ANO4: variants seen among roughly 807,000 people sequenced by gnomAD.
The protein encoded by ANO4 is anoctamin-4.
In ANO4, 69 loss-of-function variants were observed where a neutral mutation model predicts 141.9. The observed-to-expected ratio is 0.49, with a 90% CI of 0.40 to 0.59. ANO4 has a LOEUF of 0.59. Ranked by LOEUF, ANO4 falls within the 20% of genes least tolerant of loss-of-function variation. The pLI is 0.00. For missense variants in ANO4, 894 were observed against 1,162.2 expected (o/e 0.77, Z 3.36); for synonymous variants, 350 against 394.3 (o/e 0.89, Z 1.33).
chr12:101,079,237 G>T lies in ANO4; in HGVS notation c.1357G>T (p.Ala453Ser). Residue 453 changes from alanine to serine, a missense_variant, in exon 15 of 28, where the codon GCT becomes TCT. Transcript: ENST00000392977. ...TTGGAAAAGACGGCGAGCAGTAATT[G>T]CTTATGACTGGGATTTGATAGACTG... Reference protein sequence around the residue: ...EFWKRRRAVIAYDWDLIDWEE... With the variant: ...EFWKRRRAVISYDWDLIDWEE... The T allele has an allele frequency of 6.2e-7, 1 of 1,613,940 alleles. No homozygotes were observed. The highest frequency in any genetic ancestry group is 8.5e-7 in the Non-Finnish European group (1 of 1,179,918).
At chr12:100,831,168 T>C (rs963495514) in intron 1 of ANO4, among the ~76,000 whole-genome samples, 15 of 152,150 alleles carry the variant, frequency 9.9e-5, no homozygotes, top group Non-Finnish European at 5.9e-5. Flanking sequence ...CAGGCTGTAC[T>C]GGATGACTTT....
chr12:100,786,985 C>T (rs2033892918), intron 3 of ANO4, among the ~76,000 whole-genome samples: 1 of 152,154 alleles, frequency 6.6e-6, no homozygotes, highest in Admixed American at 6.5e-5. Flanking sequence ...GGTAAAAACA[C>T]TCTCCCATCC....
chr12:100,981,455 G>A (rs945696481), intron 7 of ANO4, among the ~76,000 whole-genome samples: 2 of 146,474 alleles, frequency 1.4e-5, no homozygotes, highest in Non-Finnish European at 3.0e-5. Flanking sequence ...AGGAAGGAAG[G>A]AAGGAAGAAA....
Position 100,870,168 on chromosome 12 carries a change from G to A in ANO4, c.-140-31478G>A, listed in dbSNP as rs180791671. 6.6e-5 allele frequency among the ~76,000 whole-genome samples: 10 copies of A among 152,300 alleles called. No individual in the cohort carries two copies. In the East Asian group the frequency reaches 1.4e-3, roughly 21 times the overall value. ...TTGGAGACAGGCATAACTGTGGAAA[G>A]GGTTGCTGGAAAGAAGCTGGGATCC... On this transcript the variant is annotated intron_variant, in intron 1 of 27. Coordinates refer to ENST00000392977, the MANE Select transcript of ANO4 (RefSeq NM_001286615.2).
rs182533631 is a variant in ANO4 at position 100,818,885 on chromosome 12, A to G, written c.-141+23858A>G. 3.2e-3 allele frequency among the ~76,000 whole-genome samples: 479 copies of G among 151,988 alleles called. 3 individuals are homozygous for G. The highest frequency in any genetic ancestry group is 0.011 in the African/African-American group (465 of 41,522). On this transcript the variant is annotated intron_variant, in intron 1 of 27. Transcript: ENST00000392977. ...AATACACAGGACAGGTCCTAACAAG[A>G]AAGAATTATCAGTTCAAAATTTTTG... is the stretch of plus-strand genomic sequence containing the variant.
intron 14 of ANO4, among the ~76,000 whole-genome samples, chr12:101,050,972 T>G (rs183344329): frequency 6.6e-6 from 1 of 152,326 alleles, no homozygotes; most frequent in East Asian, 1.9e-4. Context: ...AACACAAAAC[T>G]TCCTTACCCA....
intron 1 of ANO4, among the ~76,000 whole-genome samples, chr12:100,855,474 A>C (rs2135867315): frequency 6.6e-6 from 1 of 151,864 alleles, no homozygotes; most frequent in Non-Finnish European, 1.5e-5. Context: ...TTGTGTTATA[A>C]CTCTCTTCTG....
At chr12:100,967,692 CA>C (rs1188865940) in intron 5 of ANO4, among the ~76,000 whole-genome samples, 23 of 151,948 alleles carry the variant, frequency 1.5e-4, no homozygotes, top group African/African-American at 5.3e-4. Context: ...TTAATAGCCC[CA>C]AATAAAATCA....
intron 1 of ANO4, among the ~76,000 whole-genome samples, chr12:100,842,428 T>C (rs1165978063): frequency 6.6e-6 from 1 of 151,918 alleles, no homozygotes; most frequent in Non-Finnish European, 1.5e-5. Context: ...TGTGTGTGTG[T>C]GCCTGTCTGA....
At chr12:101,011,311 CTTTTTTCT>C (rs1274153632) in intron 8 of ANO4, among the ~76,000 whole-genome samples, 2 of 143,872 alleles carry the variant, frequency 1.4e-5, no homozygotes, top group African/African-American at 5.1e-5. Context: ...GAATCATGGC[CTTTTTTCT>C]TTTTTTTTTT....
At chr12:100,975,137 G>A (rs192180961) in intron 7 of ANO4, among the ~76,000 whole-genome samples, 4 of 152,028 alleles carry the variant, frequency 2.6e-5, no homozygotes, top group Non-Finnish European at 5.9e-5. Flanking sequence ...CAAGTGTGCT[G>A]GGGCTATTGC....
intron 17 of ANO4, among the ~76,000 whole-genome samples, chr12:101,088,487 G>T (rs1429721389): frequency 6.6e-6 from 1 of 151,816 alleles, no homozygotes; most frequent in African/African-American, 2.4e-5. Flanking sequence ...TGGAATGTAG[G>T]CCCATAAGGG....
At chr12:100,926,280 C>G (rs2041866723) in intron 3 of ANO4, among the ~76,000 whole-genome samples, 1 of 151,948 alleles carries the variant, frequency 6.6e-6, no homozygotes. Flanking sequence ...GTGTGCATAC[C>G]CTAAGTATAT....
chr12:100,740,202 T>C (rs1444225902), intron 3 of ANO4: 2 of 662,480 alleles, frequency 3.0e-6, no homozygotes, highest in Non-Finnish European at 5.5e-6. Context: ...TATTTCTGCT[T>C]GTGTGATATG....
intron 3 of ANO4, among the ~76,000 whole-genome samples, chr12:100,926,076 T>C (rs1387013350): frequency 6.6e-6 from 1 of 152,090 alleles, no homozygotes; most frequent in Non-Finnish European, 1.5e-5. Flanking sequence ...GGATATATGG[T>C]TACTATGTGA....
chr12:101,126,870 C>CTA lies in ANO4; in HGVS notation c.2677-8_2677-7insAT, dbSNP rs1555309239. ...AGACCTGACGCTGTTACATTCTCCT[C>CTA]TGTTTTAGCACCTCGTGTTTTGTAT... On this transcript the variant is annotated splice_polypyrimidine_tract_variant and intron_variant, in intron 26 of 27. Transcript: ENST00000392977. 1.2e-6 allele frequency: 2 copies of CTA among 1,607,058 alleles called. No homozygotes were observed. Among genetic ancestry groups the CTA allele is most frequent in the Non-Finnish European group, 1.7e-6 (2 of 1,174,706 alleles).
chr12:101,000,793 T>C (rs557231059), intron 8 of ANO4, among the ~76,000 whole-genome samples: 1 of 152,286 alleles, frequency 6.6e-6, no homozygotes, highest in South Asian at 2.1e-4. Context: ...CCTAATCAGG[T>C]GGGAAAAGCA....
intron 3 of ANO4, among the ~76,000 whole-genome samples, chr12:100,933,519 T>C (rs768342465): frequency 3.3e-5 from 5 of 152,238 alleles, no homozygotes; most frequent in Non-Finnish European, 5.9e-5. Flanking sequence ...CAGTCTATCA[T>C]TGATGGACAT....
chr12:100,996,577 C>T (rs553489369), intron 8 of ANO4, among the ~76,000 whole-genome samples: 7 of 152,146 alleles, frequency 4.6e-5, no homozygotes, highest in South Asian at 4.2e-4. Context: ...CCCAGCTACT[C>T]GGGAAGCTGA....
Sources: allele counts gnomAD v4.1 joint callset (sites outside exome capture counted in the v4.1 genomes callset), GRCh38; gene constraint gnomAD v4.1.1; transcripts MANE v1.5; gene names NCBI Gene and HGNC (gene_info 2026-07-23, HGNC 2026-07-21).